Variants in GALNT17 observed in about 807,000 individuals in gnomAD.
GALNT17 encodes polypeptide N-acetylgalactosaminyltransferase 17, also known as UDP-GalNAc:polypeptide N-acetylgalactosaminyltransferase-like 3.
A neutral mutation model predicts 63.7 loss-of-function variants in GALNT17; 29 were observed. The observed-to-expected ratio is 0.46, with a 90% CI of 0.34 to 0.62. GALNT17 has a LOEUF of 0.62. GALNT17 is among the 20% of genes least tolerant of loss of function. The pLI, the probability that GALNT17 is intolerant of heterozygous loss-of-function variation, is 0.01. For synonymous variants in GALNT17, 305 were observed against 318.3 expected (o/e 0.96, Z 0.45); for missense variants, 603 against 799.6 (o/e 0.75, Z 2.97).
chr7:71,501,410 A>G (rs985941536), intron 5 of GALNT17, among the ~76,000 whole-genome samples: 1 of 152,014 alleles, frequency 6.6e-6, no homozygotes, highest in African/African-American at 2.4e-5. Context: ...GACTACAGGC[A>G]TCTGCCACCA....
intron 5 of GALNT17, among the ~76,000 whole-genome samples, chr7:71,487,630 T>C (rs1787934751): frequency 1.3e-5 from 2 of 151,852 alleles, no homozygotes; most frequent in South Asian, 4.2e-4. Flanking sequence ...AAATAAAAAT[T>C]AGCTGGGTGT....
At chr7:71,234,770 C>G (rs1341743423) in intron 1 of GALNT17, among the ~76,000 whole-genome samples, 1 of 152,126 alleles carries the variant, frequency 6.6e-6, no homozygotes, top group African/African-American at 2.4e-5. Flanking sequence ...TTCCACTGTT[C>G]AAGCAGGTTT....
chr7:71,647,009 G>A (rs1463823269), intron 6 of GALNT17, among the ~76,000 whole-genome samples: 3 of 151,680 alleles, frequency 2.0e-5, no homozygotes, highest in Admixed American at 6.6e-5. Flanking sequence ...GCCTCCGAAA[G>A]TGCTGGGATT....
intron 1 of GALNT17, among the ~76,000 whole-genome samples, chr7:71,327,461 A>G (rs760299982): frequency 6.6e-6 from 1 of 152,192 alleles, no homozygotes; most frequent in Non-Finnish European, 1.5e-5. Context: ...CCCGTGATTC[A>G]GTTATCTCCC....
At chr7:71,577,145 C>T (rs186424047) in intron 6 of GALNT17, among the ~76,000 whole-genome samples, 41 of 152,214 alleles carry the variant, frequency 2.7e-4, no homozygotes, top group African/African-American at 9.9e-4. Context: ...CTCACTTATA[C>T]GTGGGAACTA....
At chr7:71,324,012 G>T (rs926745200) in intron 1 of GALNT17, among the ~76,000 whole-genome samples, 2 of 152,170 alleles carry the variant, frequency 1.3e-5, no homozygotes, top group Non-Finnish European at 2.9e-5. Context: ...GAGTAGCAGG[G>T]AAGACTGGCA....
intron 5 of GALNT17, among the ~76,000 whole-genome samples, chr7:71,557,799 G>A (rs534813790): frequency 1.3e-5 from 2 of 150,178 alleles, no homozygotes; most frequent in East Asian, 2.0e-4. Flanking sequence ...ATACCCGGGC[G>A]CAGTGGCTCA....
At position 71,495,976 on chromosome 7, in the gene GALNT17, G is replaced by A. The variant is rs191970100; in HGVS notation, c.962+74871G>A. On this transcript the variant is annotated intron_variant, in intron 5 of 10. Transcript: ENST00000333538. ...CAGCCTGCCAAGGTTCGTGATGTCCGCTGCTGCCCACCCCTGCTGTTGCTG... is the reference window on the plus strand; with the variant it reads ...CAGCCTGCCAAGGTTCGTGATGTCCACTGCTGCCCACCCCTGCTGTTGCTG... Among the ~76,000 whole-genome samples, 119 of 152,250 alleles carry A rather than the reference G, an allele frequency of 7.8e-4. 2 individuals carry two copies. The highest frequency in any genetic ancestry group is 1.8e-3 in the Admixed American group (28 of 15,282).
At chr7:71,700,968 T>A (rs1441300526) in intron 9 of GALNT17, among the ~76,000 whole-genome samples, 1 of 152,108 alleles carries the variant, frequency 6.6e-6, no homozygotes, top group Admixed American at 6.5e-5. Flanking sequence ...TTCTAAGAGC[T>A]AGAGATAGAG....
At chr7:71,471,172 G>T (rs1787621652) in intron 5 of GALNT17, among the ~76,000 whole-genome samples, 1 of 151,832 alleles carries the variant, frequency 6.6e-6, no homozygotes, top group African/African-American at 2.4e-5. Context: ...CAGGCTCCAG[G>T]CTCAAGTGAT....
At chr7:71,404,428 C>T (rs1459349950) in intron 3 of GALNT17, among the ~76,000 whole-genome samples, 1 of 152,208 alleles carries the variant, frequency 6.6e-6, no homozygotes, top group Admixed American at 6.5e-5. Context: ...AAAAGCTTCC[C>T]TCTTTAATCT....
At chr7:71,161,573 G>A (rs999906802) in intron 1 of GALNT17, among the ~76,000 whole-genome samples, 1 of 152,198 alleles carries the variant, frequency 6.6e-6, no homozygotes. Flanking sequence ...TTTTTATGGA[G>A]TATTTAAACT....
At chr7:71,677,137 G>T (rs2117066708) in intron 8 of GALNT17, 74 bp from the exon 9 acceptor site, 2 of 1,497,746 alleles carry the variant, frequency 1.3e-6, no homozygotes, top group Non-Finnish European at 1.9e-6. Flanking sequence ...ACCAAGCCAT[G>T]GTAGAACAGT....
chr7:71,568,183 G>A (rs1381801738), intron 5 of GALNT17, among the ~76,000 whole-genome samples: 2 of 152,176 alleles, frequency 1.3e-5, no homozygotes, highest in Non-Finnish European at 2.9e-5. Context: ...CTTTTCTAAA[G>A]CGTGCAGTAA....
rs34111153 is a variant in GALNT17 at position 71,377,085 on chromosome 7, C to CAAAAAA, written c.423-11140_423-11135dup. Among the ~76,000 whole-genome samples the CAAAAAA allele has an allele frequency of 3.5e-3, 65 of 18,524 alleles. 8 individuals carry two copies. Among genetic ancestry groups the CAAAAAA allele is most frequent in the Middle Eastern group, 0.031 (1 of 32 alleles). 12.2% of individuals were successfully genotyped at this position (18,524 alleles called of 152,430 possible). A position where few individuals can be genotyped will look rare whatever the true frequency, so the allele number is the denominator to read the frequency against. On this transcript the variant is annotated intron_variant, in intron 2 of 10. Coordinates refer to ENST00000333538, the MANE Select transcript of GALNT17 (RefSeq NM_022479.3). ...CGGGCAACAGAGCGATATTCCATCT[C>CAAAAAA]AAAAAAAAAAAAAAATAAAAATAAA...
chr7:71,595,265 TAAA>T (rs751772312), intron 6 of GALNT17, among the ~76,000 whole-genome samples: 25 of 151,874 alleles, frequency 1.6e-4, no homozygotes, highest in Non-Finnish European at 2.8e-4. Context: ...ATACAAAAAA[TAAA>T]AATAATAACA....
At chr7:71,184,294 C>G (rs1221262246) in intron 1 of GALNT17, among the ~76,000 whole-genome samples, 1 of 152,158 alleles carries the variant, frequency 6.6e-6, no homozygotes, top group Non-Finnish European at 1.5e-5. Flanking sequence ...TCCACGGCAG[C>G]CCTAGTGGAG....
intron 5 of GALNT17, among the ~76,000 whole-genome samples, chr7:71,453,759 G>A (rs1368861708): frequency 6.6e-6 from 1 of 152,218 alleles, no homozygotes; most frequent in African/African-American, 2.4e-5. Context: ...TGTTCAGGAT[G>A]CTGTCCCAGA....
chr7:71,198,971 G>A (rs1248211136), intron 1 of GALNT17, among the ~76,000 whole-genome samples: 2 of 152,106 alleles, frequency 1.3e-5, no homozygotes, highest in African/African-American at 4.8e-5. Flanking sequence ...AGGTCTTGGC[G>A]GGGCTTGAGA....
Sources: gnomAD v4.1 joint callset for allele counts (sites outside exome capture counted in the v4.1 genomes callset) on GRCh38, gnomAD v4.1.1 for gene constraint, MANE v1.5 for transcripts, NCBI Gene and HGNC (gene_info 2026-07-23, HGNC 2026-07-21) for gene names.